The following XRN1 variants were observed in gnomAD, a reference collection of about 807,000 sequenced individuals.
XRN1 encodes the protein 5'-3' exoribonuclease 1, also known as strand-exchange protein 1 homolog.
A neutral mutation model predicts 222.3 loss-of-function variants in XRN1; 67 were observed. The observed-to-expected ratio is 0.30, with a 90% CI of 0.25 to 0.37. XRN1 has a LOEUF of 0.37. Among genes scored for constraint, XRN1 ranks in the 10% least tolerant of loss-of-function variants. XRN1 has a pLI of 1.00. For missense variants in XRN1, 1,707 were observed against 2,000.2 expected (o/e 0.85, Z 2.80); for synonymous variants, 643 against 652.4 (o/e 0.99, Z 0.22).
chr3:142,307,840 A>G lies in XRN1; in HGVS notation c.*3671T>C, dbSNP rs2064999803. 6.6e-6 allele frequency: 1 copy of G among 152,226 alleles called. No individual in the cohort carries two copies. The highest frequency in any genetic ancestry group is 6.5e-5 in the Admixed American group (1 of 15,278). The allele number at this position is 152,226 out of a possible 1,614,324, so 9.4% of individuals were successfully genotyped here. On this transcript the variant is annotated 3_prime_UTR_variant, in exon 41 of 41. Transcript: ENST00000392981. ...TGAGCACTGCCAGTTTGAGTACTATAATTTATCTCTAGAAAAATGACAAAT... is the reference window on the plus strand; with the variant it reads ...TGAGCACTGCCAGTTTGAGTACTATGATTTATCTCTAGAAAAATGACAAAT...
chr3:142,436,543 C>G (rs2069920824), intron 1 of XRN1, among the ~76,000 whole-genome samples: 1 of 152,086 alleles, frequency 6.6e-6, no homozygotes, highest in Non-Finnish European at 1.5e-5. Context: ...CCCAGGATTT[C>G]TACTATTGAA....
At chr3:142,329,636 G>A (rs755231393) in intron 36 of XRN1, 21 bp from the exon 37 acceptor site, 18 of 1,522,042 alleles carry the variant, frequency 1.2e-5, no homozygotes, top group Middle Eastern at 3.4e-4. Flanking sequence ...AGAGAAAAGA[G>A]TCTATCTTTA....
At chr3:142,327,346 G>A (rs555367650) in intron 37 of XRN1, among the ~76,000 whole-genome samples, 4 of 151,554 alleles carry the variant, frequency 2.6e-5, no homozygotes, top group African/African-American at 4.8e-5. Flanking sequence ...TATGTGTCTC[G>A]GAATTCATCC....
chr3:142,394,070 G>GC (rs2067837685), intron 20 of XRN1, among the ~76,000 whole-genome samples: 1 of 152,026 alleles, frequency 6.6e-6, no homozygotes, highest in African/African-American at 2.4e-5. Flanking sequence ...CAAGAGATCT[G>GC]CCCATCTTGG....
Position 142,432,233 on chromosome 3 carries a change from A to ATATATAATTAAT in XRN1, c.308+427_308+428insATTAATTATATA, listed in dbSNP as rs1559880821. On this transcript the variant is annotated intron_variant, in intron 2 of 40. Transcript: ENST00000392981. ...ATTAATTATATATATAATTAATTATATATATATAAAATTTATTTTATATAT... is the reference window on the plus strand; with the variant it reads ...ATTAATTATATATATAATTAATTATATATATAATTAATTATATATAAAATTTATTTTATATAT... Among the ~76,000 whole-genome samples the ATATATAATTAAT allele has an allele frequency of 2.9e-3, 304 of 105,378 alleles. 1 individual carries two copies. The highest frequency in any genetic ancestry group is 0.01 in the African/African-American group (295 of 29,460). The allele number at this position is 105,378 out of a possible 152,430, so 69.1% of individuals were successfully genotyped here. A position where few individuals can be genotyped will look rare whatever the true frequency, so the allele number is the denominator to read the frequency against.
At position 142,420,644 on chromosome 3, in the gene XRN1, TACAGGTGTG is replaced by T. The variant is rs1175986683; in HGVS notation, c.1173+363_1173+371del. Reference sequence around the variant, plus strand: ...ATTTTGCCTCCCAAAGTGCTGGGATTACAGGTGTGAGCCACTGCACCTGGCCTTAAATAA... The same window carrying T: ...ATTTTGCCTCCCAAAGTGCTGGGATTAGCCACTGCACCTGGCCTTAAATAA... On this transcript the variant is annotated intron_variant, in intron 10 of 40. Transcript: ENST00000392981. Among the ~76,000 whole-genome samples the T allele has an allele frequency of 1.2e-3, 186 of 152,292 alleles. 1 individual carries two copies. Among genetic ancestry groups the T allele is most frequent in the Non-Finnish European group, 1.9e-3 (127 of 68,028 alleles).
Position 142,425,206 on chromosome 3 carries a change from TA to T in XRN1, c.627+15del, listed in dbSNP as rs780010047. ...CTATCAATGCATAAGTTTATAATAA[TA>T]AAAATTATACCTACCAAGTCAGCAT... On this transcript the variant is annotated intron_variant, in intron 5 of 40. Coordinates refer to ENST00000392981, the MANE Select transcript of XRN1 (RefSeq NM_001282857.2). The T allele has an allele frequency of 2.0e-5, 30 of 1,509,264 alleles. No homozygotes were observed. Among genetic ancestry groups the T allele is most frequent in the Non-Finnish European group, 2.6e-5 (29 of 1,122,196 alleles). The allele number at this position is 1,509,264 out of a possible 1,614,324, so 93.5% of individuals were successfully genotyped here.
intron 32 of XRN1, among the ~76,000 whole-genome samples, chr3:142,350,179 T>A (rs1349092776): frequency 4.6e-5 from 7 of 152,148 alleles, no homozygotes; most frequent in African/African-American, 1.7e-4. Flanking sequence ...CCTGGAGCTG[T>A]ATATATTCCA....
chr3:142,336,611 G>C (rs967797084), intron 33 of XRN1, among the ~76,000 whole-genome samples: 7 of 151,282 alleles, frequency 4.6e-5, no homozygotes, highest in African/African-American at 1.5e-4. Flanking sequence ...GGAATAGAGA[G>C]AGAGGAAAAG....
At position 142,346,163 on chromosome 3, in the gene XRN1, G is replaced by GT. The variant is rs764217661; in HGVS notation, c.3877+1070dup. Among the ~76,000 whole-genome samples, 4 of 152,248 alleles carry GT rather than the reference G, an allele frequency of 2.6e-5. No individual in the cohort carries two copies. The East Asian group carries it at 7.7e-4, about 29-fold the overall frequency. On this transcript the variant is annotated intron_variant, in intron 33 of 40. Transcript: ENST00000392981. ...CTACAAATGGATGAACCGATAAAAT[G>GT]TAGCATTCATACAATGGAATATTAT...
At chr3:142,314,904 CAA>C (rs776430519) in intron 39 of XRN1, among the ~76,000 whole-genome samples, 82 of 22,298 alleles carry the variant, frequency 3.7e-3, no homozygotes, top group African/African-American at 9.1e-3. Flanking sequence ...GACTCTGTCT[CAA>C]AAAAAAAAAA....
intron 37 of XRN1, among the ~76,000 whole-genome samples, chr3:142,319,216 C>G (rs2065285113): frequency 6.6e-6 from 1 of 152,164 alleles, no homozygotes; most frequent in Non-Finnish European, 1.5e-5. Flanking sequence ...TAAAGTCTTA[C>G]TGGAACATGG....
rs773564273 is a variant in XRN1, at chr3:142,311,472, T to C, written c.*39A>G. 2.7e-6 allele frequency: 4 copies of C among 1,498,682 alleles called. No individual in the cohort carries two copies. The highest frequency in any genetic ancestry group is 1.4e-5 in the African/African-American group (1 of 71,228). 92.8% of individuals were successfully genotyped at this position (1,498,682 alleles called of 1,614,324 possible). A position where few individuals can be genotyped will look rare whatever the true frequency, so the allele number is the denominator to read the frequency against. ...AGATATGTATTTATAAAAAGGTAGA[T>C]GGAAAGAGAAGAAATTAACTTAATT... On this transcript the variant is annotated 3_prime_UTR_variant, in exon 41 of 41. Coordinates refer to ENST00000392981, the MANE Select transcript of XRN1 (RefSeq NM_001282857.2).
At chr3:142,370,388 A>G (rs1029626381) in intron 27 of XRN1, 97 bp downstream of exon 27, 2 of 1,382,674 alleles carry the variant, frequency 1.4e-6, no homozygotes, top group African/African-American at 1.5e-5. Context: ...CACTAAGTAT[A>G]TGTTTTATTT....
At chr3:142,324,444 C>T (rs532070402) in intron 37 of XRN1, among the ~76,000 whole-genome samples, 1 of 152,154 alleles carries the variant, frequency 6.6e-6, no homozygotes, top group African/African-American at 2.4e-5. Flanking sequence ...TTTATGGCTG[C>T]ATAGTATTCC....
At chr3:142,319,559 G>T (rs2065294046) in intron 37 of XRN1, among the ~76,000 whole-genome samples, 1 of 152,084 alleles carries the variant, frequency 6.6e-6, no homozygotes. Context: ...GAGTACAAAT[G>T]TAGTTACATG....
intron 33 of XRN1, among the ~76,000 whole-genome samples, chr3:142,341,864 G>A (rs2066003586): frequency 6.6e-6 from 1 of 152,046 alleles, no homozygotes; most frequent in African/African-American, 2.4e-5. Flanking sequence ...TTCAGCAAGA[G>A]GATATAACAA....
chr3:142,372,752 C>G (rs1032564382), intron 25 of XRN1, among the ~76,000 whole-genome samples: 1 of 152,218 alleles, frequency 6.6e-6, no homozygotes, highest in Non-Finnish European at 1.5e-5. Flanking sequence ...ACAGTATCCA[C>G]TTGGTAATGA....
At chr3:142,353,009 T>A (rs2066354791) in intron 32 of XRN1, among the ~76,000 whole-genome samples, 1 of 152,210 alleles carries the variant, frequency 6.6e-6, no homozygotes, top group Non-Finnish European at 1.5e-5. Context: ...AGGAATTTAT[T>A]CCTTTCCTCT....
Sources: gnomAD v4.1 joint callset for allele counts (sites outside exome capture counted in the v4.1 genomes callset) on GRCh38, gnomAD v4.1.1 for gene constraint, MANE v1.5 for transcripts, NCBI Gene and HGNC (gene_info 2026-07-23, HGNC 2026-07-21) for gene names.